GORAB: variants seen among roughly 807,000 people sequenced by gnomAD.
The protein encoded by GORAB is golgin, RAB6 interacting.
A neutral mutation model predicts 29.9 loss-of-function variants in GORAB; 17 were observed. The observed-to-expected ratio is 0.57, with a 90% CI of 0.39 to 0.85. GORAB has a LOEUF of 0.85. Ranked by LOEUF, GORAB falls within the 40% of genes least tolerant of loss-of-function variation. The probability of loss-of-function intolerance (pLI) is 0.00; values close to 1 mark genes in which losing one functional copy is unlikely to be tolerated. For missense variants in GORAB, 442 were observed against 437.8 expected, an observed-to-expected ratio of 1.01 and a Z score of -0.09; for synonymous variants, 183 against 157.2, an observed-to-expected ratio of 1.16 and a Z score of -1.23.
rs1650155396 is a variant in GORAB at position 170,552,146 on chromosome 1, A to G, written c.794A>G (p.Lys265Arg). 1 of 1,614,136 alleles carries G rather than the reference A, an allele frequency of 6.2e-7. No homozygotes were observed. The highest frequency in any genetic ancestry group is 8.5e-7 in the Non-Finnish European group (1 of 1,179,986). ...CAGCAAAATGAGCTCCGAAAGGCCA[A>G]GAAGTTGGAGGAGTTGATGCAACAA... is the stretch of plus-strand genomic sequence containing the variant. ...IIQQNELRKA[K>R]KLEELMQQLD... Residue 265 changes from lysine to arginine, a missense_variant, in exon 5 of 5, where the codon AAG becomes AGG. Transcript: ENST00000367763.
intron 1 of GORAB, chr1:170,536,352 GA>G (rs1251925889): frequency 8.5e-5 from 13 of 152,162 alleles, no homozygotes; most frequent in African/African-American, 3.1e-4. Flanking sequence ...ATATTTCCTA[GA>G]AAAGGAAATA....
At chr1:170,534,358 G>T (rs531598186) in intron 1 of GORAB, among the ~76,000 whole-genome samples, 2 of 152,252 alleles carry the variant, frequency 1.3e-5, no homozygotes, top group African/African-American at 4.8e-5. Context: ...TACAGTATTT[G>T]GGGGATGCAA....
intron 4 of GORAB, chr1:170,545,475 G>A (rs1649700592): frequency 6.1e-6 from 6 of 979,866 alleles, no homozygotes; most frequent in Non-Finnish European, 7.3e-6. Context: ...AAATACCATG[G>A]AGTATTTTTA....
In GORAB at chr1:170,544,689, A is replaced by G. The variant is rs746929438; in HGVS notation, c.522-16A>G. On this transcript the variant is annotated splice_polypyrimidine_tract_variant and intron_variant, in intron 3 of 4. Transcript: ENST00000367763. The stretch of plus-strand genomic sequence containing the variant: ...AAAATGTTCTTATTTTCCCACTCAC[A>G]TACCTGATTTTCTAGATCCAAAAGA... 3.1e-6 allele frequency: 5 copies of G among 1,612,874 alleles called. No homozygotes were observed. Among genetic ancestry groups the G allele is most frequent in the South Asian group, 2.2e-5 (2 of 91,056 alleles).
At chr1:170,533,735 G>C in intron 1 of GORAB, 1 of 344,082 alleles carries the variant, frequency 2.9e-6, no homozygotes, top group South Asian at 2.2e-5. Flanking sequence ...TTGCAACCGG[G>C]GGTAGATAGA....
At chr1:170,551,685 C>A (rs1184628651) in intron 4 of GORAB, among the ~76,000 whole-genome samples, 1 of 152,160 alleles carries the variant, frequency 6.6e-6, no homozygotes, top group Non-Finnish European at 1.5e-5. Context: ...CGCTACAAAT[C>A]AGGGCTCCCC....
chr1:170,544,840 C>A lies in GORAB; in HGVS notation c.657C>A (p.Tyr219Ter). ...RIDQASLDYS[Y>*]ARKRFDRAEA... ...ATCAGGCCAGCTTAGACTATTCATA[C>A]GCTCGGTGAGTTGGGGAAATTGAAT... The change falls in exon 4 of 5, where the codon TAC becomes TAA. Residue 219 changes from tyrosine (Y) to a stop codon, truncating the protein, a stop_gained. Coordinates refer to ENST00000367763, the MANE Select transcript of GORAB (RefSeq NM_152281.3). LOFTEE classifies it low-confidence loss of function (END_TRUNC). The A allele has an allele frequency of 6.2e-7, 1 of 1,608,464 alleles. No homozygotes were observed. Among genetic ancestry groups the A allele is most frequent in the Middle Eastern group, 1.7e-4 (1 of 6,050 alleles).
At position 170,552,238 on chromosome 1, in the gene GORAB, CAAG is replaced by C. The variant is rs780548366; in HGVS notation, c.890_892del (p.Glu297del). 1.2e-6 allele frequency: 2 copies of C among 1,614,078 alleles called. No homozygotes were observed. The highest frequency in any genetic ancestry group is 2.2e-5 in the South Asian group (2 of 91,084). On this transcript the variant is annotated inframe_deletion, in exon 5 of 5. Coordinates refer to ENST00000367763, the MANE Select transcript of GORAB (RefSeq NM_152281.3). ...GGAGGTCGAGAGATTGCTACACGAA[CAAG>C]AAGTAGAATCAAGGAGACCAGTGGT...
At chr1:170,539,007 G>A in intron 1 of GORAB, 1 of 622,438 alleles carries the variant, frequency 1.6e-6, no homozygotes, top group Non-Finnish European at 2.7e-6. Flanking sequence ...GGCAGTTTCT[G>A]TTAAATATTA....
At chr1:170,533,690 A>G (rs1409716927) in intron 1 of GORAB, 3 of 391,982 alleles carry the variant, frequency 7.7e-6, no homozygotes, top group African/African-American at 2.1e-5. Flanking sequence ...ATTAAACAAC[A>G]TATTCATTAT....
chr1:170,537,455 T>C (rs1256922457), intron 1 of GORAB, among the ~76,000 whole-genome samples: 1 of 152,186 alleles, frequency 6.6e-6, no homozygotes, highest in African/African-American at 2.4e-5. Flanking sequence ...CTGTTAGCCT[T>C]TAGTTGGCAC....
chr1:170,547,881 T>A (rs1048286675), intron 4 of GORAB, among the ~76,000 whole-genome samples: 1 of 152,234 alleles, frequency 6.6e-6, no homozygotes, highest in African/African-American at 2.4e-5. Flanking sequence ...TTTTCCTTTC[T>A]ATGCTTAGAA....
At chr1:170,545,102 T>C (rs780758076) in intron 4 of GORAB, 20 of 1,134,620 alleles carry the variant, frequency 1.8e-5, no homozygotes, top group Non-Finnish European at 2.2e-5. Context: ...TAGTCTTTGC[T>C]GCGAAACCCT....
At chr1:170,541,516 C>T (rs752916370) in intron 2 of GORAB, among the ~76,000 whole-genome samples, 2 of 151,930 alleles carry the variant, frequency 1.3e-5, no homozygotes, top group Non-Finnish European at 2.9e-5. Context: ...TGACCAGTCC[C>T]AGCACTAAGG....
At chr1:170,534,585 G>A (rs1468381410) in intron 1 of GORAB, among the ~76,000 whole-genome samples, 1 of 152,050 alleles carries the variant, frequency 6.6e-6, no homozygotes, top group Non-Finnish European at 1.5e-5. Flanking sequence ...TGATGGTCTG[G>A]TAATATTATA....
At chr1:170,540,428 A>T (rs1649343391) in intron 2 of GORAB, among the ~76,000 whole-genome samples, 1 of 151,032 alleles carries the variant, frequency 6.6e-6, no homozygotes, top group Non-Finnish European at 1.5e-5. Context: ...CTCTTTTCTG[A>T]GTTCTTTTCA....
intron 2 of GORAB, 110 bp downstream of exon 2, chr1:170,539,677 A>G (rs887178681): frequency 5.2e-6 from 6 of 1,154,696 alleles, no homozygotes; most frequent in Non-Finnish European, 7.3e-6. Flanking sequence ...TCTCCTTTAT[A>G]TTCATTCAAT....
chr1:170,548,415 A>G (rs932317047), intron 4 of GORAB, among the ~76,000 whole-genome samples: 4 of 152,246 alleles, frequency 2.6e-5, no homozygotes, highest in African/African-American at 9.6e-5. Context: ...TGTCATAGAA[A>G]GTAATATTCA....
rs545143919 is a variant in GORAB at position 170,552,612 on chromosome 1, T to A, written c.*150T>A. ...TTAGTAAATTAATAGGTTTGGCCAT[T>A]CTAAAATCCAAAATTATGATAACTG... is the stretch of plus-strand genomic sequence containing the variant. On this transcript the variant is annotated 3_prime_UTR_variant, in exon 5 of 5. Coordinates refer to ENST00000367763, the MANE Select transcript of GORAB (RefSeq NM_152281.3). 1.3e-6 allele frequency: 1 copy of A among 750,602 alleles called. No homozygotes were observed. Among genetic ancestry groups the A allele is most frequent in the African/African-American group, 1.7e-5 (1 of 58,118 alleles). 46.5% of individuals were successfully genotyped at this position (750,602 alleles called of 1,614,324 possible).
Sources: gnomAD v4.1 joint callset for allele counts (sites outside exome capture counted in the v4.1 genomes callset) on GRCh38, gnomAD v4.1.1 for gene constraint, MANE v1.5 for transcripts, NCBI Gene and HGNC (gene_info 2026-07-23, HGNC 2026-07-21) for gene names.